Variants in TMEM272 observed in about 807,000 individuals in gnomAD.
The protein encoded by TMEM272 is long intergenic non-protein coding RNA 282.
Under a neutral mutation model 3.7 loss-of-function variants are expected in TMEM272, and 8 were observed. That is an observed-to-expected ratio of 2.17 (90% CI 1.27 to 3.91). The LOEUF (loss-of-function observed/expected upper bound fraction) is 3.91, where lower values mean the gene tolerates loss of function less well. TMEM272 is among the 30% of genes most tolerant of loss of function. The probability of loss-of-function intolerance (pLI) is 0.00; values close to 1 mark genes in which losing one functional copy is unlikely to be tolerated. For synonymous variants in TMEM272, 63 were observed against 39.8 expected (o/e 1.58, Z -2.20); for missense variants, 166 against 91.5 (o/e 1.81, Z -3.32).
At chr13:51,846,498 AAAC>A (rs1364929319), upstream of TMEM272, among the ~76,000 whole-genome samples, 5 of 139,688 alleles carry the variant, frequency 3.6e-5, no homozygotes, top group Admixed American at 7.4e-5. Flanking sequence ...CAGTAATAAA[AAAC>A]AACGAAGTCA....
At chr13:51,820,653 T>TGA (rs1317347085) in intron 4 of TMEM272, among the ~76,000 whole-genome samples, 1 of 152,050 alleles carries the variant, frequency 6.6e-6, no homozygotes, top group Non-Finnish European at 1.5e-5. Flanking sequence ...TGACGATGAG[T>TGA]GAGAACAGGA....
At chr13:51,851,547 C>T in the TMEM272 span, among the ~76,000 whole-genome samples, 11 of 97,920 alleles carry the variant, frequency 1.1e-4, no homozygotes, top group South Asian at 6.6e-4. Flanking sequence ...TTTTTTGAGA[C>T]GGAGTCTTGT....
At chr13:51,913,519 C>T in the TMEM272 span, among the ~76,000 whole-genome samples, 1 of 152,200 alleles carries the variant, frequency 6.6e-6, no homozygotes, top group African/African-American at 2.4e-5. Context: ...CCTCAGTCCT[C>T]TTTTTCTGGA....
chr13:51,832,268 T>A (rs4354822), intron 2 of TMEM272, among the ~76,000 whole-genome samples: 1 of 152,108 alleles, frequency 6.6e-6, no homozygotes, highest in Non-Finnish European at 1.5e-5. Flanking sequence ...TCAGTCAAAA[T>A]AGGTAGCTGG....
chr13:51,827,113 G>T (rs1357217919), intron 2 of TMEM272, among the ~76,000 whole-genome samples: 32 of 152,182 alleles, frequency 2.1e-4, no homozygotes, highest in Admixed American at 2.1e-3. Context: ...CCATTCACTT[G>T]GTTATATATT....
intron 4 of TMEM272, among the ~76,000 whole-genome samples, chr13:51,821,770 G>C (rs1956081782): frequency 6.7e-6 from 1 of 149,816 alleles, no homozygotes; most frequent in Middle Eastern, 3.5e-3. Context: ...ATAACTGGCA[G>C]TCAGGGACTC....
chr13:51,926,090 G>T, the TMEM272 span, among the ~76,000 whole-genome samples: 1 of 151,638 alleles, frequency 6.6e-6, no homozygotes. Context: ...TGAGTGTGTG[G>T]TATGTGGTGT....
intron 4 of TMEM272, among the ~76,000 whole-genome samples, chr13:51,821,391 G>A (rs547838060): frequency 5.3e-5 from 8 of 152,180 alleles, no homozygotes; most frequent in Middle Eastern, 3.4e-3. Context: ...GGCTATGCAC[G>A]CCCCTGATAT....
chr13:51,931,541 T>C, the TMEM272 span, among the ~76,000 whole-genome samples: 1 of 152,104 alleles, frequency 6.6e-6, no homozygotes, highest in Non-Finnish European at 1.5e-5. Context: ...CTAATGTAGA[T>C]GATAGGTTGA....
the TMEM272 span, among the ~76,000 whole-genome samples, chr13:51,899,563 G>A: frequency 6.9e-4 from 104 of 150,448 alleles, no homozygotes; most frequent in African/African-American, 2.4e-3. Context: ...GTATTAAGAC[G>A]GCAATATTTC....
upstream of TMEM272, among the ~76,000 whole-genome samples, chr13:51,847,774 C>A (rs776933958): frequency 6.6e-6 from 1 of 152,076 alleles, no homozygotes; most frequent in African/African-American, 2.4e-5. Context: ...CAAAAAGGGG[C>A]AGCAGTCTTT....
chr13:51,865,116 C>T, the TMEM272 span, among the ~76,000 whole-genome samples: 2,000 of 152,360 alleles, frequency 0.013, 47 homozygotes, highest in African/African-American at 0.045. Context: ...TGAGTGTCTA[C>T]GTTTTTAGCA....
chr13:51,904,874 T>G, the TMEM272 span, among the ~76,000 whole-genome samples: 4 of 152,220 alleles, frequency 2.6e-5, no homozygotes, highest in Non-Finnish European at 5.9e-5. Context: ...TTGAATTTTA[T>G]TTACCAGGTA....
chr13:51,825,760 T>TA (rs1178349239), intron 3 of TMEM272, among the ~76,000 whole-genome samples: 1 of 151,714 alleles, frequency 6.6e-6, no homozygotes, highest in Admixed American at 6.6e-5. Flanking sequence ...CACACCCAGC[T>TA]AATTTTTAAG....
At chr13:51,905,015 C>T in the TMEM272 span, among the ~76,000 whole-genome samples, 14 of 152,178 alleles carry the variant, frequency 9.2e-5, no homozygotes, top group Admixed American at 5.2e-4. Flanking sequence ...AACCACTTGA[C>T]GCCAGTAGCA....
chr13:51,884,918 T>C, the TMEM272 span, among the ~76,000 whole-genome samples: 1 of 152,218 alleles, frequency 6.6e-6, no homozygotes. Context: ...GAGGAAGTTA[T>C]AGCTAGTCCA....
chr13:51,865,714 GTCTT>G, the TMEM272 span: 6 of 1,614,194 alleles, frequency 3.7e-6, no homozygotes, highest in Admixed American at 1.0e-4. Flanking sequence ...AAATGGAAAA[GTCTT>G]TCAGGGAGGA....
At chr13:51,841,612 A>G (rs1416668281) in intron 1 of TMEM272, among the ~76,000 whole-genome samples, 1 of 152,256 alleles carries the variant, frequency 6.6e-6, no homozygotes, top group Admixed American at 6.5e-5. Flanking sequence ...ACATTTTTTA[A>G]TGCAAATGTC....
At chr13:51,834,655 C>T (rs1956199774) in intron 2 of TMEM272, among the ~76,000 whole-genome samples, 1 of 152,090 alleles carries the variant, frequency 6.6e-6, no homozygotes, top group Admixed American at 6.6e-5. Flanking sequence ...ACGGTTCCTT[C>T]ACCCAGGCCT....
Sources: gnomAD v4.1 joint callset for allele counts (sites outside exome capture counted in the v4.1 genomes callset) on GRCh38, gnomAD v4.1.1 for gene constraint, MANE v1.5 for transcripts, NCBI Gene and HGNC (gene_info 2026-07-23, HGNC 2026-07-21) for gene names.